The following LDLRAD4 variants were observed in gnomAD, a reference collection of about 807,000 sequenced individuals.
LDLRAD4 encodes the protein low density lipoprotein receptor class A domain containing 4.
In LDLRAD4, 5 loss-of-function variants were observed where a neutral mutation model predicts 17.0. The observed-to-expected ratio is 0.29, with a 90% CI of 0.15 to 0.62. LDLRAD4 has a LOEUF of 0.62. Ranked by LOEUF, LDLRAD4 falls within the 20% of genes least tolerant of loss-of-function variation. The probability of loss-of-function intolerance (pLI) is 0.84; values close to 1 mark genes in which losing one functional copy is unlikely to be tolerated. For missense variants in LDLRAD4, 340 were observed against 424.7 expected, an observed-to-expected ratio of 0.80 and a Z score of 1.75; for synonymous variants, 168 against 171.8, an observed-to-expected ratio of 0.98 and a Z score of 0.17.
rs773342880 is a variant in LDLRAD4, at chr18:13,295,856, G to A, written c.-383+17668G>A. Among the ~76,000 whole-genome samples, 24 of 152,364 alleles carry A rather than the reference G, an allele frequency of 1.6e-4. 1 individual carries two copies. Among genetic ancestry groups the A allele is most frequent in the Middle Eastern group, 3.4e-3 (1 of 294 alleles). On this transcript the variant is annotated intron_variant, in intron 1 of 5. Coordinates refer to ENST00000359446, the Ensembl canonical transcript of LDLRAD4. ...TTGTACAAAAAGAATTGTATTTGGG[G>A]TTTTGTGTGTGAGACTGAGGACTGT...
chr18:13,486,915 C>G (rs551282771), intron 3 of LDLRAD4: 2 of 152,266 alleles, frequency 1.3e-5, no homozygotes, highest in African/African-American at 4.8e-5. Flanking sequence ...TTTCCACTCC[C>G]GCTGGCACGT....
rs867311487 is a variant in LDLRAD4 at position 13,644,405 on chromosome 18, A to T, written c.391-722A>T. ...AACATGACAAAACCCCATCTCAAAA[A>T]AAAAAAAAAAAAAAAAGCTAGGCAT... On this transcript the variant is annotated intron_variant, in intron 5 of 5. Coordinates refer to ENST00000359446, the Ensembl canonical transcript of LDLRAD4. Among the ~76,000 whole-genome samples the T allele has an allele frequency of 9.8e-3, 1,471 of 149,886 alleles. 18 individuals are homozygous for T. The highest frequency in any genetic ancestry group is 0.026 in the African/African-American group (1,063 of 40,860).
At chr18:13,647,431 G>A (rs1194719200) in exon 6 of LDLRAD4, 1 of 152,102 alleles carries the variant, frequency 6.6e-6, no homozygotes, top group Non-Finnish European at 1.5e-5. Flanking sequence ...AGATGAGCTG[G>A]AATGATGATT....
chr18:13,609,252 G>A (rs949116606), intron 3 of LDLRAD4, among the ~76,000 whole-genome samples: 3 of 152,244 alleles, frequency 2.0e-5, no homozygotes, highest in Admixed American at 6.5e-5. Context: ...TCCCAGTGAT[G>A]GACGTGCTGT....
chr18:13,230,451 T>C (rs2042015323), intron 1 of LDLRAD4, among the ~76,000 whole-genome samples: 1 of 152,190 alleles, frequency 6.6e-6, no homozygotes, highest in Non-Finnish European at 1.5e-5. Context: ...TTTTACTCCA[T>C]TTTTCAAACT....
At chr18:13,317,246 T>G (rs1208732204) in intron 1 of LDLRAD4, among the ~76,000 whole-genome samples, 1 of 152,110 alleles carries the variant, frequency 6.6e-6, no homozygotes. Flanking sequence ...ACAAAAAAGA[T>G]ATTTCTTAAA....
chr18:13,484,919 G>A (rs568342897), intron 3 of LDLRAD4, among the ~76,000 whole-genome samples: 13 of 152,220 alleles, frequency 8.5e-5, no homozygotes, highest in African/African-American at 3.1e-4. Flanking sequence ...CATGGTAGAC[G>A]ATCACTCTAA....
At chr18:13,608,959 G>T (rs1320620132) in intron 3 of LDLRAD4, among the ~76,000 whole-genome samples, 1 of 152,174 alleles carries the variant, frequency 6.6e-6, no homozygotes, top group East Asian at 1.9e-4. Context: ...TCCCTGCCTT[G>T]CTCCATTTTC....
intron 3 of LDLRAD4, among the ~76,000 whole-genome samples, chr18:13,571,856 T>C (rs1014979714): frequency 1.3e-5 from 2 of 152,052 alleles, no homozygotes; most frequent in African/African-American, 2.4e-5. Flanking sequence ...CAGGATGGTC[T>C]GGATCTCCTG....
At chr18:13,434,558 A>T (rs1163202093) in intron 2 of LDLRAD4, among the ~76,000 whole-genome samples, 1 of 152,214 alleles carries the variant, frequency 6.6e-6, no homozygotes, top group African/African-American at 2.4e-5. Flanking sequence ...AGAATAGACA[A>T]CATATTTTTA....
intron 3 of LDLRAD4, among the ~76,000 whole-genome samples, chr18:13,473,126 A>G (rs1488824401): frequency 6.6e-6 from 1 of 151,884 alleles, no homozygotes; most frequent in African/African-American, 2.4e-5. Context: ...GGCAGAATAT[A>G]GTTCACAGAA....
chr18:13,403,934 T>C (rs4797768), intron 2 of LDLRAD4, among the ~76,000 whole-genome samples: 85,998 of 152,112 alleles, frequency 0.57, 24,644 homozygotes, highest in Admixed American at 0.61. Context: ...GGATGCGCCC[T>C]GTCCCGGGGA....
intron 3 of LDLRAD4, among the ~76,000 whole-genome samples, chr18:13,607,151 G>A (rs910980007): frequency 1.3e-5 from 2 of 152,172 alleles, no homozygotes; most frequent in African/African-American, 2.4e-5. Context: ...GTGGGTGGCC[G>A]GATGGGAGTG....
At chr18:13,610,106 GA>G (rs1431658002) in intron 3 of LDLRAD4, among the ~76,000 whole-genome samples, 2 of 151,778 alleles carry the variant, frequency 1.3e-5, no homozygotes, top group Admixed American at 6.6e-5. Flanking sequence ...TTAAATGAAA[GA>G]AAAAAATGTT....
At position 13,363,101 on chromosome 18, in the gene LDLRAD4, C is replaced by T. The variant is rs146684548; in HGVS notation, c.-382-24240C>T. Among the ~76,000 whole-genome samples the T allele has an allele frequency of 3.1e-3, 473 of 152,068 alleles. 2 individuals are homozygous for T. The highest frequency in any genetic ancestry group is 4.7e-3 in the Non-Finnish European group (318 of 67,926). Reference sequence around the variant, plus strand: ...ATCCCAGCACTTTGGGAAGCAGAGGCGGGCGGATCACGAGGTCAGCAGATT... The same window carrying T: ...ATCCCAGCACTTTGGGAAGCAGAGGTGGGCGGATCACGAGGTCAGCAGATT... On this transcript the variant is annotated intron_variant, in intron 1 of 5. Transcript: ENST00000359446.
chr18:13,277,099 A>G (rs1452302662), upstream of LDLRAD4, among the ~76,000 whole-genome samples: 1 of 152,076 alleles, frequency 6.6e-6, no homozygotes, highest in Non-Finnish European at 1.5e-5. Context: ...GCTGGGGTAG[A>G]GCTCCGCAGG....
intron 3 of LDLRAD4, among the ~76,000 whole-genome samples, chr18:13,483,588 C>G (rs973298472): frequency 9.9e-5 from 15 of 152,208 alleles, no homozygotes; most frequent in Non-Finnish European, 1.9e-4. Context: ...TGCTGTGCCT[C>G]TCTTCCAGGC....
At chr18:13,601,328 A>G (rs2095158260) in intron 3 of LDLRAD4, among the ~76,000 whole-genome samples, 1 of 152,256 alleles carries the variant, frequency 6.6e-6, no homozygotes, top group African/African-American at 2.4e-5. Context: ...ATGAACAAAC[A>G]CTTCTCAAAA....
rs533312283 is a variant in LDLRAD4, at chr18:13,497,372, T to A, written c.181+58988T>A. On this transcript the variant is annotated intron_variant, in intron 3 of 5. Coordinates refer to ENST00000359446, the Ensembl canonical transcript of LDLRAD4. The stretch of plus-strand genomic sequence containing the variant: ...GTTTGTTTTTTTTGTAGAGACAAGG[T>A]CTCACTATGTTGCCCAGGCTGGTCA... Among the ~76,000 whole-genome samples, 46 of 152,040 alleles carry A rather than the reference T, an allele frequency of 3.0e-4. 1 individual carries two copies. The South Asian group carries it at 9.6e-3, about 32-fold the overall frequency.
Sources: gnomAD v4.1 joint callset for allele counts (sites outside exome capture counted in the v4.1 genomes callset) on GRCh38, gnomAD v4.1.1 for gene constraint, MANE v1.5 for transcripts, NCBI Gene and HGNC (gene_info 2026-07-23, HGNC 2026-07-21) for gene names.